Variants in NTMT1 observed in about 807,000 individuals in gnomAD.
The protein encoded by NTMT1 is N-terminal RCC1 methyltransferase.
A neutral mutation model predicts 17.5 loss-of-function variants in NTMT1; 8 were observed. That is an observed-to-expected ratio of 0.46 (90% CI 0.27 to 0.82). The LOEUF (loss-of-function observed/expected upper bound fraction) is 0.82. NTMT1 is among the 40% of genes least tolerant of loss of function. NTMT1 has a pLI of 0.15. For synonymous variants in NTMT1, 128 were observed against 126.8 expected (o/e 1.01, Z -0.06); for missense variants, 221 against 303.5 (o/e 0.73, Z 2.02).
intron 1 of NTMT1, among the ~76,000 whole-genome samples, chr9:129,628,967 G>A (rs142831732): frequency 1.4e-3 from 213 of 152,330 alleles, no homozygotes; most frequent in African/African-American, 5.0e-3. Flanking sequence ...TGCCAGCATG[G>A]TGTGGAAGAG....
chr9:129,633,995 AAGGGCCGCACGTGCGGTGAC>A, intron 2 of NTMT1, 39 bp from the exon 3 acceptor site: 1 of 1,555,868 alleles, frequency 6.4e-7, no homozygotes, highest in Non-Finnish European at 8.7e-7. Flanking sequence ...GCTCGTGAGG[AAGGGCCGCACGTGCGGTGAC>A]AGGGTCCCTC....
intron 1 of NTMT1, chr9:129,615,621 C>G (rs918165): frequency 1.3e-6 from 2 of 1,586,066 alleles, no homozygotes; most frequent in South Asian, 1.1e-5. Flanking sequence ...AGCCTTGAGC[C>G]TGGGGACCTG....
rs148491892 is a variant in NTMT1, at chr9:129,635,334, G to A, written c.542G>A (p.Ser181Asn). The A allele has an allele frequency of 6.2e-7, 1 of 1,613,746 alleles. No individual in the cohort carries two copies. The highest frequency in any genetic ancestry group is 8.5e-7 in the Non-Finnish European group (1 of 1,180,054). Residue 181 changes from serine (S) to asparagine (N), a missense_variant, in exon 4 of 4, where the codon AGC becomes AAC. Ser to Asn is a conservative substitution (Grantham distance 46, BLOSUM62 1). Coordinates refer to ENST00000372483, the MANE Select transcript of NTMT1 (RefSeq NM_014064.4). ...GGCGTGATTCTGGACGACGTGGACA[G>A]CAGCGTGTGCCGGGACCTTGACGTG... ...QEGVILDDVD[S>N]SVCRDLDVVR...
intron 1 of NTMT1, chr9:129,612,968 C>G: frequency 9.0e-7 from 1 of 1,106,930 alleles, no homozygotes; most frequent in Non-Finnish European, 1.3e-6. Flanking sequence ...GTGGCCACTG[C>G]AAGCCCCCAC....
chr9:129,635,448 G>C lies in NTMT1; in HGVS notation c.656G>C (p.Ser219Thr). Residue 219 changes from serine to threonine, a missense_variant, in exon 4 of 4, where the codon AGC becomes ACC. Ser to Thr is a moderately conservative substitution (Grantham distance 58). Transcript: ENST00000372483. ...CCCGATGAGATCTACCATGTCTATA[G>C]CTTTGCCCTGAGATGAGCCGGGGCT... is the stretch of plus-strand genomic sequence containing the variant. ...NLPDEIYHVY[S>T]FALR is the part of the protein sequence containing the mutation. 5 of 1,612,076 alleles carry C rather than the reference G, an allele frequency of 3.1e-6. No homozygotes were observed. The highest frequency in any genetic ancestry group is 4.2e-6 in the Non-Finnish European group (5 of 1,179,044).
intron 1 of NTMT1, among the ~76,000 whole-genome samples, chr9:129,612,911 C>T (rs1314027307): frequency 6.6e-6 from 1 of 152,108 alleles, no homozygotes; most frequent in Non-Finnish European, 1.5e-5. Flanking sequence ...TGGCTTAGAG[C>T]CACCCCTTGA....
chr9:129,635,248 C>T lies in NTMT1; in HGVS notation c.456C>T (p.Arg152=). The change falls in exon 4 of 4, where the codon CGC becomes CGT. Residue 152 remains arginine, a synonymous_variant. Transcript: ENST00000372483. ...AGCACCTGGCCGAGTTCCTGCGGCG[C>T]TGCAAGGGCAGCCTCCGCCCCAACG... ...TDQHLAEFLR[R]CKGSLRPNGI... The T allele has an allele frequency of 6.2e-7, 1 of 1,612,804 alleles. No individual in the cohort carries two copies. The highest frequency in any genetic ancestry group is 8.5e-7 in the Non-Finnish European group (1 of 1,180,010).
intron 1 of NTMT1, chr9:129,612,366 A>G: frequency 1.2e-6 from 2 of 1,613,742 alleles, no homozygotes; most frequent in Non-Finnish European, 1.7e-6. Flanking sequence ...ATCTGGCTGC[A>G]GTGTTGCGGA....
intron 1 of NTMT1, chr9:129,612,333 G>A (rs1371917365): frequency 6.2e-7 from 1 of 1,607,466 alleles, no homozygotes; most frequent in Non-Finnish European, 8.5e-7. Context: ...CCCTGGCCTT[G>A]GGTTCGCGAG....
upstream of NTMT1, among the ~76,000 whole-genome samples, chr9:129,623,460 G>A (rs1389701084): frequency 6.6e-6 from 1 of 152,180 alleles, no homozygotes; most frequent in Non-Finnish European, 1.5e-5. Flanking sequence ...GGACTCCCTG[G>A]GCCTTATCTC....
At chr9:129,626,409 GGCGCGTGC>G (rs1830898063) in intron 1 of NTMT1, 114 bp downstream of exon 1, 2 of 152,208 alleles carry the variant, frequency 1.3e-5, no homozygotes, top group Non-Finnish European at 2.9e-5. Context: ...CACGTGACCC[GGCGCGTGC>G]GCGCGGGCCG....
intron 1 of NTMT1, among the ~76,000 whole-genome samples, chr9:129,630,963 C>T (rs1259053513): frequency 6.6e-6 from 1 of 152,194 alleles, no homozygotes; most frequent in African/African-American, 2.4e-5. Context: ...ACACATCAGC[C>T]GAGAGTTGGT....
rs773810879 is a variant in NTMT1 at position 129,632,741 on chromosome 9, A to G, written c.38A>G (p.Tyr13Cys). 3 of 1,614,160 alleles carry G rather than the reference A, an allele frequency of 1.9e-6. No individual in the cohort carries two copies. The highest frequency in any genetic ancestry group is 1.7e-6 in the Non-Finnish European group (2 of 1,180,016). Reference sequence around the variant, plus strand: ...GTGATAGAAGACGAGAAGCAATTCTATTCCAAGGCCAAGACCTACTGGAAA... The same window carrying G: ...GTGATAGAAGACGAGAAGCAATTCTGTTCCAAGGCCAAGACCTACTGGAAA... ...SEVIEDEKQFYSKAKTYWKQI... is the reference protein window; with the variant it reads ...SEVIEDEKQFCSKAKTYWKQI... Residue 13 changes from tyrosine to cysteine, a missense_variant, in exon 2 of 4, where the codon TAT becomes TGT. Physicochemically the swap from Tyr to Cys is radical, Grantham distance 194 (BLOSUM62 -2). Coordinates refer to ENST00000372483, the MANE Select transcript of NTMT1 (RefSeq NM_014064.4).
intron 2 of NTMT1, chr9:129,633,210 C>T (rs548465536): frequency 7.8e-5 from 32 of 412,768 alleles, no homozygotes; most frequent in African/African-American, 3.7e-4. Flanking sequence ...CTATTCTGGA[C>T]GAAGACTCCT....
rs1167112830 is a variant in NTMT1 at position 129,626,201 on chromosome 9, G to C, written c.-149G>C. The C allele has an allele frequency of 6.6e-6, 1 of 152,160 alleles. No individual in the cohort carries two copies. Among genetic ancestry groups the C allele is most frequent in the Non-Finnish European group, 1.5e-5 (1 of 68,030 alleles). 9.4% of individuals were successfully genotyped at this position (152,160 alleles called of 1,614,324 possible). On this transcript the variant is annotated 5_prime_UTR_variant, in exon 1 of 4. Transcript: ENST00000372483. ...AGCTGTCGCGTCTGGTCGTGGTCTGGCGGAGCTGCGGTTGGCTTGTGGCGT... is the reference window on the plus strand; with the variant it reads ...AGCTGTCGCGTCTGGTCGTGGTCTGCCGGAGCTGCGGTTGGCTTGTGGCGT...
rs1273240836 is a variant in NTMT1, at chr9:129,620,056, C to T, written c.-55+10878C>T. On this transcript the variant is annotated intron_variant, in intron 1 of 3. Transcript: ENST00000372486. This position sits in a 1 kb window ranked among gnomAD's most constrained non-coding sequence, Gnocchi z 5.8. ...ACTCGGGCCCGCCCCCCGGGCCCCG[C>T]GGGGCCTCACTCAGTGGCTCCGGCT... The T allele has an allele frequency of 6.9e-6, 10 of 1,453,956 alleles. No homozygotes were observed. The highest frequency in any genetic ancestry group is 5.6e-5 in the Admixed American group (2 of 35,486). 90.1% of individuals were successfully genotyped at this position (1,453,956 alleles called of 1,614,324 possible).
upstream of NTMT1, among the ~76,000 whole-genome samples, chr9:129,623,987 G>C (rs1400329471): frequency 6.6e-6 from 1 of 151,838 alleles, no homozygotes; most frequent in African/African-American, 2.4e-5. Context: ...GTAGAGACGG[G>C]GTTTCACCGT....
chr9:129,634,443 C>A, intron 3 of NTMT1, 137 bp downstream of exon 3: 1 of 935,988 alleles, frequency 1.1e-6, no homozygotes, highest in Non-Finnish European at 1.6e-6. Flanking sequence ...CCAGGCCCAC[C>A]CCCACCCCGT....
intron 1 of NTMT1, chr9:129,612,521 G>A: frequency 1.6e-6 from 2 of 1,267,488 alleles, no homozygotes; most frequent in South Asian, 1.3e-5. Flanking sequence ...GGCTCCCAGT[G>A]GGATTCTGTG....
Sources: gnomAD v4.1 joint callset for allele counts (sites outside exome capture counted in the v4.1 genomes callset) on GRCh38, gnomAD v4.1.1 for gene constraint, Gnocchi (gnomAD v3.1) non-coding constraint, MANE v1.5 for transcripts, NCBI Gene and HGNC (gene_info 2026-07-23, HGNC 2026-07-21) for gene names.